Variants in TRIM69 observed in about 807,000 individuals in gnomAD.
The protein encoded by TRIM69 is E3 ubiquitin-protein ligase TRIM69.
In TRIM69, 29 loss-of-function variants were observed where a neutral mutation model predicts 37.7. That is an observed-to-expected ratio of 0.77 (90% CI 0.57 to 1.05). TRIM69 has a LOEUF of 1.05. TRIM69 is among the 50% of genes least tolerant of loss of function. The pLI is 0.00. For synonymous variants in TRIM69, 209 were observed against 212.4 expected, an observed-to-expected ratio of 0.98 and a Z score of 0.14; for missense variants, 596 against 579.9, an observed-to-expected ratio of 1.03 and a Z score of -0.28.
rs140573976 is a variant in TRIM69 at position 44,759,778 on chromosome 15, C to T, written c.867C>T (p.Thr289=). 9.3e-6 allele frequency: 15 copies of T among 1,614,010 alleles called. No homozygotes were observed. Among genetic ancestry groups the T allele is most frequent in the African/African-American group, 2.7e-5 (2 of 74,894 alleles). ...AGCAAGGAATGAAGGTGCTGGCAAC[C>T]AGAGAGCTTATTTCCAGAAAGCTGA... ...SLEQGMKVLA[T]RELISRKLNL... Residue 289 remains threonine (T), a synonymous_variant, in exon 6 of 7, where the codon ACC becomes ACT. Transcript: ENST00000329464.
intron 1 of TRIM69, among the ~76,000 whole-genome samples, chr15:44,750,888 C>CTGATT (rs2141321994): frequency 6.9e-6 from 1 of 145,146 alleles, no homozygotes; most frequent in East Asian, 2.1e-4. Flanking sequence ...CCACGCCTGG[C>CTGATT]TGATTTTTTA....
chr15:44,736,791 T>C (rs2087172367), intron 1 of TRIM69, 81 bp downstream of exon 1: 4 of 1,530,474 alleles, frequency 2.6e-6, no homozygotes, highest in Non-Finnish European at 3.5e-6. Context: ...AGGATATGGA[T>C]TTAGGAGCAC....
chr15:44,750,254 A>G, intron 1 of TRIM69, among the ~76,000 whole-genome samples: 1 of 152,238 alleles, frequency 6.6e-6, no homozygotes, highest in Non-Finnish European at 1.5e-5. Flanking sequence ...GGACCAAGAT[A>G]AGCTATCCTC....
chr15:44,750,850 G>A (rs768715342), intron 1 of TRIM69, among the ~76,000 whole-genome samples: 13 of 145,300 alleles, frequency 8.9e-5, no homozygotes, highest in Non-Finnish European at 1.6e-4. Context: ...TCAGCCTCCC[G>A]AGTAGCTGGG....
At chr15:44,737,585 G>A (rs575652315) in intron 1 of TRIM69, among the ~76,000 whole-genome samples, 3 of 152,210 alleles carry the variant, frequency 2.0e-5, no homozygotes, top group African/African-American at 7.2e-5. Flanking sequence ...TTCAGGCAGA[G>A]GTTGGAAAGG....
At chr15:44,761,248 C>G (rs1231727513) in intron 6 of TRIM69, among the ~76,000 whole-genome samples, 1 of 152,070 alleles carries the variant, frequency 6.6e-6, no homozygotes, top group Admixed American at 6.6e-5. Flanking sequence ...TTATGTTGTT[C>G]CATGTATCAA....
Position 44,759,883 on chromosome 15 carries a change from G to T in TRIM69, c.961+11G>T, listed in dbSNP as rs375921478. ...ACACTCTCTGCCCAGGTATCAGTGG[G>T]TAGTAACTATTGGTTCTTGAGGCTC... On this transcript the variant is annotated intron_variant, in intron 6 of 6. Transcript: ENST00000329464. The T allele has an allele frequency of 6.2e-7, 1 of 1,606,226 alleles. No homozygotes were observed. Among genetic ancestry groups the T allele is most frequent in the African/African-American group, 1.3e-5 (1 of 74,872 alleles).
chr15:44,753,797 C>A (rs1348051181), intron 1 of TRIM69: 1 of 152,058 alleles, frequency 6.6e-6, no homozygotes, highest in African/African-American at 2.4e-5. Flanking sequence ...CTTACTATAA[C>A]CTCCACCTCC....
intron 1 of TRIM69, chr15:44,754,289 G>T (rs533426385): frequency 6.6e-6 from 1 of 152,256 alleles, no homozygotes; most frequent in African/African-American, 2.4e-5. Context: ...ACCACACCCA[G>T]CTAATTTTTG....
At chr15:44,750,216 T>C (rs1438888871) in intron 1 of TRIM69, among the ~76,000 whole-genome samples, 2 of 152,232 alleles carry the variant, frequency 1.3e-5, no homozygotes, top group Non-Finnish European at 2.9e-5. Context: ...AAATAGTTTG[T>C]TTTTTGTGAT....
chr15:44,740,662 A>T lies in TRIM69; in HGVS notation c.6+3952A>T, dbSNP rs2087262562. Among the ~76,000 whole-genome samples, 20 of 152,030 alleles carry T rather than the reference A, an allele frequency of 1.3e-4. No individual in the cohort carries two copies. The South Asian group carries it at 4.2e-3, about 32-fold the overall frequency. On this transcript the variant is annotated intron_variant, in intron 1 of 6. Coordinates refer to ENST00000329464, the MANE Select transcript of TRIM69 (RefSeq NM_182985.5). ...GAAAACAAAAAAAGGCAGGGGTTGCAATCCTAGTCTCTGATAAAACAGACT... is the reference window on the plus strand; with the variant it reads ...GAAAACAAAAAAAGGCAGGGGTTGCTATCCTAGTCTCTGATAAAACAGACT...
intron 1 of TRIM69, among the ~76,000 whole-genome samples, chr15:44,748,784 C>G (rs1249681449): frequency 3.5e-5 from 5 of 142,120 alleles, no homozygotes; most frequent in Admixed American, 7.1e-5. Context: ...CAAGATCATG[C>G]CATTACACTC....
chr15:44,758,769 T>A lies in TRIM69; in HGVS notation c.728T>A (p.Leu243His). The change falls in exon 4 of 7, where the codon CTT becomes CAT. Residue 243 changes from leucine (L) to histidine (H), a missense_variant. Physicochemically the swap from Leu to His is moderately conservative, Grantham distance 99 (BLOSUM62 -3). Coordinates refer to ENST00000329464, the MANE Select transcript of TRIM69 (RefSeq NM_182985.5). ...NEEMELNLSQLQEQCLLAKDM... is the reference protein window; with the variant it reads ...NEEMELNLSQHQEQCLLAKDM... ...GAGATGGAGTTGAATCTGAGCCAGCTTCAGGAGCAATGTCTCTTAGCCAAG... is the reference window on the plus strand; with the variant it reads ...GAGATGGAGTTGAATCTGAGCCAGCATCAGGAGCAATGTCTCTTAGCCAAG... The A allele has an allele frequency of 6.2e-7, 1 of 1,614,138 alleles. No individual in the cohort carries two copies. The highest frequency in any genetic ancestry group is 1.6e-4 in the Middle Eastern group (1 of 6,062).
At chr15:44,752,474 A>T (rs1027104301) in intron 1 of TRIM69, among the ~76,000 whole-genome samples, 2 of 152,000 alleles carry the variant, frequency 1.3e-5, no homozygotes, top group Non-Finnish European at 1.5e-5. Flanking sequence ...ATTTGTATGG[A>T]TTGTCTTTCC....
Position 44,758,631 on chromosome 15 carries a change from T to C in TRIM69, c.590T>C (p.Leu197Pro), listed in dbSNP as rs1472363977. ...CATGGAGGTTTCCAGGAAAACAAGC[T>C]ACATCTGCAGCAACATGTGTCCATG... is the stretch of plus-strand genomic sequence containing the variant. ...EAIAAHKENK[L>P]HLQQHVSMEF... is the part of the protein sequence containing the mutation. Residue 197 changes from leucine (L) to proline (P), a missense_variant, in exon 4 of 7, where the codon CTA becomes CCA. By Grantham distance (98) the Leu-to-Pro change is moderately conservative (BLOSUM62 -3). Transcript: ENST00000329464. The C allele has an allele frequency of 1.2e-6, 2 of 1,614,096 alleles. No individual in the cohort carries two copies. The highest frequency in any genetic ancestry group is 1.1e-5 in the South Asian group (1 of 91,076).
At chr15:44,759,506 A>G in intron 4 of TRIM69, 134 bp from the exon 5 acceptor site, 1 of 822,590 alleles carries the variant, frequency 1.2e-6, no homozygotes, top group South Asian at 1.7e-5. Context: ...GAAAAAGTGT[A>G]TGAAGGATGA....
chr15:44,742,424 C>T (rs1298481489), intron 1 of TRIM69, among the ~76,000 whole-genome samples: 2 of 143,738 alleles, frequency 1.4e-5, no homozygotes, highest in Non-Finnish European at 3.0e-5. Flanking sequence ...GGGATGCCCT[C>T]TCTCACCACT....
rs55736812 is a variant in TRIM69 at position 44,767,053 on chromosome 15, C to CAA, written c.962-148_962-147dup. 1.2e-4 allele frequency among the ~76,000 whole-genome samples: 3 copies of CAA among 24,312 alleles called. 1 individual carries two copies. The highest frequency in any genetic ancestry group is 2.1e-4 in the Non-Finnish European group (3 of 14,436). 15.9% of individuals were successfully genotyped at this position (24,312 alleles called of 152,430 possible). A position where few individuals can be genotyped will look rare whatever the true frequency, so the allele number is the denominator to read the frequency against. ...CAGCCCTGGGCAACCTTGTCTGCCTCAAAAAAAAAAAAAAAAAAAAAAAAA... is the reference window on the plus strand; with the variant it reads ...CAGCCCTGGGCAACCTTGTCTGCCTCAAAAAAAAAAAAAAAAAAAAAAAAAAA... On this transcript the variant is annotated intron_variant, in intron 6 of 6. Transcript: ENST00000329464.
Position 44,748,709 on chromosome 15 carries a change from C to T in TRIM69, c.7-6191C>T, listed in dbSNP as rs2087458700. ...GGCATGGTGACGCATGCCTGTAATC[C>T]CAGCTACTCGGGAGTCTGAGACAGA... On this transcript the variant is annotated intron_variant, in intron 1 of 6. Coordinates refer to ENST00000329464, the MANE Select transcript of TRIM69 (RefSeq NM_182985.5). Among the ~76,000 whole-genome samples, 9 of 150,672 alleles carry T rather than the reference C, an allele frequency of 6.0e-5. No individual in the cohort carries two copies. The South Asian group carries it at 1.9e-3, about 32-fold the overall frequency.
Sources: gnomAD v4.1 joint callset for allele counts (sites outside exome capture counted in the v4.1 genomes callset) on GRCh38, gnomAD v4.1.1 for gene constraint, MANE v1.5 for transcripts, NCBI Gene and HGNC (gene_info 2026-07-23, HGNC 2026-07-21) for gene names.